STARD13: variants seen among roughly 807,000 people sequenced by gnomAD.
The protein encoded by STARD13 is StAR related lipid transfer domain containing 13.
STARD13 carries 62 observed loss-of-function variants against 106.4 expected under a neutral mutation model. The ratio of observed to expected loss-of-function variants is 0.58; its 90% CI spans 0.48 to 0.72. STARD13 has a LOEUF of 0.72. Ranked by LOEUF, STARD13 falls within the 30% of genes least tolerant of loss-of-function variation. STARD13 has a pLI of 0.00. For missense variants in STARD13, 1,387 were observed against 1,424.0 expected (o/e 0.97, Z 0.42); for synonymous variants, 565 against 553.0 (o/e 1.02, Z -0.31).
the STARD13 span, among the ~76,000 whole-genome samples, chr13:33,590,820 C>T: frequency 1.3e-5 from 2 of 151,880 alleles, no homozygotes; most frequent in African/African-American, 4.8e-5. Flanking sequence ...CACACCTGCA[C>T]GTTGTGCACA....
At chr13:33,624,311 A>G in the STARD13 span, among the ~76,000 whole-genome samples, 2 of 152,244 alleles carry the variant, frequency 1.3e-5, no homozygotes, top group African/African-American at 4.8e-5. Flanking sequence ...TGAACTACTG[A>G]TGCATGCATT....
At chr13:33,255,782 C>T (rs1279435370) in intron 1 of STARD13, among the ~76,000 whole-genome samples, 1 of 152,166 alleles carries the variant, frequency 6.6e-6, no homozygotes, top group Non-Finnish European at 1.5e-5. Context: ...AGGCACAAAC[C>T]CTTGCTTGCA....
chr13:33,469,694 T>C, the STARD13 span, among the ~76,000 whole-genome samples: 27 of 152,110 alleles, frequency 1.8e-4, no homozygotes, highest in East Asian at 4.3e-3. Context: ...AGAGTAGACA[T>C]TATTATCCCA....
upstream of STARD13, among the ~76,000 whole-genome samples, chr13:33,288,001 T>C (rs978459297): frequency 2.6e-5 from 4 of 152,100 alleles, no homozygotes; most frequent in African/African-American, 9.7e-5. Flanking sequence ...AATGCCAACC[T>C]TGCAGTTCAT....
chr13:33,193,147 A>G (rs1432791298), intron 1 of STARD13, among the ~76,000 whole-genome samples: 1 of 152,214 alleles, frequency 6.6e-6, no homozygotes, highest in East Asian at 1.9e-4. Context: ...AGGACAAACA[A>G]TTCCTCACAT....
intron 1 of STARD13, among the ~76,000 whole-genome samples, chr13:33,179,910 G>C (rs1285427862): frequency 6.6e-6 from 1 of 152,196 alleles, no homozygotes; most frequent in Non-Finnish European, 1.5e-5. Context: ...AGATGAATTA[G>C]GAGCTGAGAT....
the STARD13 span, among the ~76,000 whole-genome samples, chr13:33,379,961 A>G: frequency 9.9e-5 from 15 of 152,210 alleles, no homozygotes; most frequent in Admixed American, 2.0e-4. Context: ...CCTGCACTCA[A>G]GGACAATGTT....
chr13:33,561,909 C>T, the STARD13 span, among the ~76,000 whole-genome samples: 1 of 146,562 alleles, frequency 6.8e-6, no homozygotes, highest in African/African-American at 2.5e-5. Flanking sequence ...AAAAGTAACA[C>T]ATTTTGGCCT....
chr13:33,544,866 C>G, the STARD13 span, among the ~76,000 whole-genome samples: 1 of 150,582 alleles, frequency 6.6e-6, no homozygotes, highest in South Asian at 2.1e-4. Flanking sequence ...CTCTGCCTCC[C>G]GGGTTCAAGC....
chr13:33,498,557 G>A, the STARD13 span, among the ~76,000 whole-genome samples: 3 of 152,272 alleles, frequency 2.0e-5, no homozygotes, highest in African/African-American at 7.2e-5. Context: ...GATTGAATGA[G>A]TTTAAATGCT....
the STARD13 span, among the ~76,000 whole-genome samples, chr13:33,598,966 A>G: frequency 2.6e-5 from 4 of 152,220 alleles, no homozygotes; most frequent in African/African-American, 9.6e-5. Context: ...TTTAAAAGAA[A>G]TATTTATGGT....
chr13:33,139,069 C>T (rs1255642245), intron 4 of STARD13, among the ~76,000 whole-genome samples: 1 of 152,138 alleles, frequency 6.6e-6, no homozygotes, highest in Non-Finnish European at 1.5e-5. Flanking sequence ...AACACAATTG[C>T]CATGAAGACA....
chr13:33,240,249 G>A (rs1034885332), intron 1 of STARD13, among the ~76,000 whole-genome samples: 30 of 152,028 alleles, frequency 2.0e-4, no homozygotes, highest in Admixed American at 1.6e-3. Context: ...CCATATGTCT[G>A]TCTTCATGCC....
chr13:33,315,607 G>T (rs1283708234), intron 1 of STARD13, among the ~76,000 whole-genome samples: 1 of 152,054 alleles, frequency 6.6e-6, no homozygotes, highest in East Asian at 1.9e-4. Context: ...CAGACATCAG[G>T]TTTCATGTAC....
the STARD13 span, among the ~76,000 whole-genome samples, chr13:33,464,037 A>ATATATATATATG: frequency 1.8e-4 from 26 of 141,026 alleles, 1 homozygote; most frequent in South Asian, 2.9e-3. Context: ...ATATATATAT[A>ATATATATATATG]TATATGTATA....
At chr13:33,510,476 G>A in the STARD13 span, among the ~76,000 whole-genome samples, 1 of 152,064 alleles carries the variant, frequency 6.6e-6, no homozygotes, top group Non-Finnish European at 1.5e-5. Context: ...AGTTCTTTAG[G>A]TGGGGCTCTA....
rs187996598 is a variant in STARD13, at chr13:33,154,625, C to T, written c.323+10712G>A. Among the ~76,000 whole-genome samples the T allele has an allele frequency of 4.2e-3, 632 of 150,788 alleles. 5 individuals are homozygous for T. Among genetic ancestry groups the T allele is most frequent in the African/African-American group, 0.014 (585 of 41,194 alleles). On this transcript the variant is annotated intron_variant, in intron 3 of 13. Coordinates refer to ENST00000336934, the MANE Select transcript of STARD13 (RefSeq NM_178006.4). ...GTGGCCCGGGGGAAAGAACTTAAAA[C>T]AAAAAAAAAGTCCAGGTTTTCTTGG... is the stretch of plus-strand genomic sequence containing the variant.
chr13:33,570,760 C>G, the STARD13 span, among the ~76,000 whole-genome samples: 2 of 152,138 alleles, frequency 1.3e-5, no homozygotes, highest in African/African-American at 4.8e-5. Context: ...CACTGTCTCA[C>G]TCTTTTCCAG....
chr13:33,322,205 C>T (rs534524770), intron 1 of STARD13, among the ~76,000 whole-genome samples: 3 of 152,326 alleles, frequency 2.0e-5, no homozygotes, highest in African/African-American at 7.2e-5. Flanking sequence ...CTAATACCTT[C>T]AGTTATACAA....
Sources: gnomAD v4.1 joint callset for allele counts (sites outside exome capture counted in the v4.1 genomes callset) on GRCh38, gnomAD v4.1.1 for gene constraint, MANE v1.5 for transcripts, NCBI Gene and HGNC (gene_info 2026-07-23, HGNC 2026-07-21) for gene names.